NRXN3: variants seen among roughly 807,000 people sequenced by gnomAD.
NRXN3 encodes neurexin III.
A neutral mutation model predicts 137.6 loss-of-function variants in NRXN3; 32 were observed. The ratio of observed to expected loss-of-function variants is 0.23; its 90% confidence interval spans 0.18 to 0.31. The LOEUF (loss-of-function observed/expected upper bound fraction) is 0.31. Ranked by LOEUF, NRXN3 falls within the 10% of genes least tolerant of loss-of-function variation. The pLI is 1.00. For missense variants in NRXN3, 1,574 were observed against 2,062.5 expected (o/e 0.76, Z 4.59); for synonymous variants, 798 against 784.5 (o/e 1.02, Z -0.29).
intron 10 of NRXN3, among the ~76,000 whole-genome samples, chr14:78,868,189 C>A (rs1183772051): frequency 6.6e-6 from 1 of 151,864 alleles, no homozygotes; most frequent in African/African-American, 2.4e-5. Context: ...CCTGTATAGG[C>A]AAAATTGTTT....
intron 16 of NRXN3, among the ~76,000 whole-genome samples, chr14:79,654,533 C>T (rs1042892301): frequency 4.6e-5 from 7 of 151,954 alleles, no homozygotes. Context: ...CAGCCGTGTC[C>T]CAATAAAACT....
chr14:78,566,575 C>T (rs1361647061), intron 4 of NRXN3, among the ~76,000 whole-genome samples: 3 of 152,140 alleles, frequency 2.0e-5, no homozygotes, highest in Non-Finnish European at 4.4e-5. Flanking sequence ...GGAGCCCTGG[C>T]CACAGAGCCA....
intron 15 of NRXN3, among the ~76,000 whole-genome samples, chr14:79,425,956 AAG>A (rs1224050174): frequency 6.6e-6 from 1 of 151,950 alleles, no homozygotes; most frequent in Non-Finnish European, 1.5e-5. Flanking sequence ...AATGGATAGA[AAG>A]AGAGAGCAGA....
intron 4 of NRXN3, among the ~76,000 whole-genome samples, chr14:78,388,237 C>T (rs544191375): frequency 8.3e-4 from 127 of 152,210 alleles, no homozygotes; most frequent in African/African-American, 2.9e-3. Context: ...CTGAAATTCG[C>T]GCTTCTGACT....
intron 16 of NRXN3, among the ~76,000 whole-genome samples, chr14:79,555,468 C>T (rs1033174096): frequency 6.6e-6 from 1 of 152,016 alleles, no homozygotes; most frequent in Non-Finnish European, 1.5e-5. Context: ...AAGGATGATT[C>T]GATGTTTGCC....
rs869170695 is a variant in NRXN3 at position 79,441,366 on chromosome 14, C to CTTTTTTTTTTTT, written c.3263-25835_3263-25824dup. On this transcript the variant is annotated intron_variant, in intron 15 of 20. Transcript: ENST00000335750. ...GAATATCCCTGGACAAACAGAAAATCTTTTTTTTTTTTTTTTTTTTTTTTT... is the reference window on the plus strand; with the variant it reads ...GAATATCCCTGGACAAACAGAAAATCTTTTTTTTTTTTTTTTTTTTTTTTTTTTTTTTTTTTT... 2.5e-4 allele frequency among the ~76,000 whole-genome samples: 17 copies of CTTTTTTTTTTTT among 67,250 alleles called. 2 individuals are homozygous for CTTTTTTTTTTTT. The East Asian group carries it at 4.2e-3, about 17-fold the overall frequency. 44.1% of individuals were successfully genotyped at this position (67,250 alleles called of 152,430 possible). A position where few individuals can be genotyped will look rare whatever the true frequency, so the allele number is the denominator to read the frequency against.
intron 16 of NRXN3, among the ~76,000 whole-genome samples, chr14:79,558,724 A>G (rs550764781): frequency 6.6e-6 from 1 of 152,242 alleles, no homozygotes; most frequent in South Asian, 2.1e-4. Context: ...GGAATGGCAA[A>G]TGAGCATTGA....
At chr14:78,648,326 A>G (rs1197188258) in intron 5 of NRXN3, among the ~76,000 whole-genome samples, 1 of 152,192 alleles carries the variant, frequency 6.6e-6, no homozygotes, top group African/African-American at 2.4e-5. Flanking sequence ...CAAACACAAA[A>G]CTGAGGTTAC....
At chr14:78,857,317 A>C (rs1162706111) in intron 10 of NRXN3, among the ~76,000 whole-genome samples, 1 of 152,192 alleles carries the variant, frequency 6.6e-6, no homozygotes, top group African/African-American at 2.4e-5. Flanking sequence ...AGCCAAAAGA[A>C]AAAATGCTGC....
intron 19 of NRXN3, among the ~76,000 whole-genome samples, chr14:79,765,264 G>A (rs1047549075): frequency 2.0e-5 from 3 of 152,172 alleles, no homozygotes; most frequent in African/African-American, 7.2e-5. Flanking sequence ...TAGGAGGAAG[G>A]AGAAAAGACC....
chr14:79,106,077 T>G (rs914157292), intron 15 of NRXN3, among the ~76,000 whole-genome samples: 1 of 152,230 alleles, frequency 6.6e-6, no homozygotes. Flanking sequence ...CTCTATAGTT[T>G]TAAACGTTTT....
At position 78,243,701 on chromosome 14, in the gene NRXN3, G is replaced by C. The variant is rs11626446; in HGVS notation, c.608G>C (p.Gly203Ala). Reference protein sequence around the residue: ...GVQMDAEGPCGERPCENGGIC... With the variant: ...GVQMDAEGPCAERPCENGGIC... ...CAGATGGATGCCGAGGGACCCTGTG[G>C]TGAGCGTCCCTGTGAAAATGGTGGG... Residue 203 changes from glycine to alanine, a missense_variant, in exon 2 of 21, where the codon GGT (glycine) becomes GCT (alanine). Physicochemically the swap from Gly to Ala is moderately conservative, Grantham distance 60 (BLOSUM62 0). Around this residue, in one of 5 missense-constraint regions of NRXN3, gnomAD observed 400 missense variants for 527.3 expected, o/e 0.76. Transcript: ENST00000335750. This position sits in a 1 kb window ranked among gnomAD's most constrained non-coding sequence, Gnocchi z 4.2. 8 of 1,598,128 alleles carry C rather than the reference G, an allele frequency of 5.0e-6. No homozygotes were observed. The highest frequency in any genetic ancestry group is 6.8e-6 in the Non-Finnish European group (8 of 1,179,762).
intron 15 of NRXN3, among the ~76,000 whole-genome samples, chr14:79,397,631 G>T (rs1416499172): frequency 1.3e-5 from 2 of 152,122 alleles, no homozygotes; most frequent in Admixed American, 1.3e-4. Flanking sequence ...TAAAACAATG[G>T]TCTTGTTTAA....
intron 4 of NRXN3, among the ~76,000 whole-genome samples, chr14:78,446,391 T>A (rs1411998435): frequency 6.6e-6 from 1 of 150,922 alleles, no homozygotes; most frequent in African/African-American, 2.5e-5. Flanking sequence ...ACTATGTGCT[T>A]AACATTATGC....
intron 1 of NRXN3, among the ~76,000 whole-genome samples, chr14:78,215,597 G>C (rs1459232535): frequency 6.6e-6 from 1 of 152,162 alleles, no homozygotes; most frequent in Non-Finnish European, 1.5e-5. Flanking sequence ...AAAGGTTGTG[G>C]AAATTGCATT....
intron 6 of NRXN3, among the ~76,000 whole-genome samples, chr14:78,680,351 C>T (rs2098061498): frequency 6.6e-6 from 1 of 152,108 alleles, no homozygotes; most frequent in African/African-American, 2.4e-5. Flanking sequence ...ACGTAACAAA[C>T]CTGCACTTGT....
chr14:79,406,071 A>G (rs1465612375), intron 15 of NRXN3, among the ~76,000 whole-genome samples: 1 of 152,104 alleles, frequency 6.6e-6, no homozygotes, highest in Non-Finnish European at 1.5e-5. Flanking sequence ...AAAGTACAGA[A>G]TGTTTTGAAA....
intron 4 of NRXN3, among the ~76,000 whole-genome samples, chr14:78,312,197 G>T (rs1426167237): frequency 6.6e-6 from 1 of 152,136 alleles, no homozygotes; most frequent in African/African-American, 2.4e-5. Flanking sequence ...TCTAAAAAAG[G>T]TTATCTCTTA....
intron 19 of NRXN3, among the ~76,000 whole-genome samples, chr14:79,755,370 T>C (rs1323629554): frequency 1.3e-5 from 2 of 152,138 alleles, no homozygotes; most frequent in Admixed American, 6.6e-5. Flanking sequence ...CATCTATCTG[T>C]ATCTACATAT....
Sources: allele counts gnomAD v4.1 joint callset (sites outside exome capture counted in the v4.1 genomes callset), GRCh38; gene constraint gnomAD v4.1.1; regional missense constraint gnomAD v4.1.1; non-coding constraint Gnocchi (gnomAD v3.1); transcripts MANE v1.5; gene names NCBI Gene and HGNC (gene_info 2026-07-23, HGNC 2026-07-21).